Variants in RECQL observed in about 807,000 individuals in gnomAD.
The protein encoded by RECQL is ATP-dependent DNA helicase Q1.
RECQL carries 73 observed loss-of-function variants against 75.8 expected under a neutral mutation model. That is an observed-to-expected ratio of 0.96 (90% CI 0.80 to 1.17). The LOEUF (loss-of-function observed/expected upper bound fraction) is 1.17. Ranked by LOEUF, RECQL falls within the 50% of genes most tolerant of loss-of-function variation. The pLI is 0.00. For synonymous variants in RECQL, 248 were observed against 254.4 expected, an observed-to-expected ratio of 0.97 and a Z score of 0.24; for missense variants, 699 against 772.1, an observed-to-expected ratio of 0.91 and a Z score of 1.12.
chr12:21,481,210 A>T (rs191407279), intron 6 of RECQL, among the ~76,000 whole-genome samples: 2 of 152,218 alleles, frequency 1.3e-5, no homozygotes, highest in African/African-American at 2.4e-5. Context: ...AAGAAAACAA[A>T]AAGTTTTTGG....
chr12:21,473,184 A>G (rs1943015720), intron 12 of RECQL, among the ~76,000 whole-genome samples: 1 of 152,150 alleles, frequency 6.6e-6, no homozygotes, highest in Non-Finnish European at 1.5e-5. Context: ...GACCACGTAT[A>G]TGCCAGTGGT....
At chr12:21,475,132 TA>T (rs907718729) in intron 10 of RECQL, among the ~76,000 whole-genome samples, 153 bp from the exon 11 acceptor site, 2 of 151,594 alleles carry the variant, frequency 1.3e-5, no homozygotes. Context: ...ACCCTCAAAT[TA>T]AAAAAAACTC....
rs747067157 is a variant in RECQL, at chr12:21,486,588, A to G, written c.395-3T>C. The G allele has an allele frequency of 3.9e-6, 6 of 1,553,866 alleles. No individual in the cohort carries two copies. Among genetic ancestry groups the G allele is most frequent in the Non-Finnish European group, 2.6e-6 (3 of 1,154,770 alleles). On this transcript the variant is annotated splice_polypyrimidine_tract_variant and splice_region_variant and intron_variant, in intron 4 of 14. Transcript: ENST00000444129. ...TGGGCAAATGACGAGTGTAAAACCT[A>G]AAAGAGAAAAAAAAAAAAATCTACC... is the stretch of plus-strand genomic sequence containing the variant.
chr12:21,476,151 C>T lies in RECQL; in HGVS notation c.950-327G>A, dbSNP rs139808311. Among the ~76,000 whole-genome samples, 34 of 152,014 alleles carry T rather than the reference C, an allele frequency of 2.2e-4. No homozygotes were observed. The East Asian group carries it at 6.0e-3, about 27-fold the overall frequency. Reference sequence around the variant, plus strand: ...AAATGTGCTATGAATGCAGTGTTCTCCAGATTAATTTTGGGTTAATTTAGA... The same window carrying T: ...AAATGTGCTATGAATGCAGTGTTCTTCAGATTAATTTTGGGTTAATTTAGA... On this transcript the variant is annotated intron_variant, in intron 8 of 14. Coordinates refer to ENST00000444129, the MANE Select transcript of RECQL (RefSeq NM_002907.4).
intron 13 of RECQL, 45 bp downstream of exon 13, chr12:21,471,383 A>C: frequency 6.7e-7 from 1 of 1,492,492 alleles, no homozygotes. Context: ...TTAAAAAAAA[A>C]CCATAAAGAC....
chr12:21,480,328 G>C (rs935626911), intron 6 of RECQL, among the ~76,000 whole-genome samples: 2 of 152,164 alleles, frequency 1.3e-5, no homozygotes, highest in Non-Finnish European at 2.9e-5. Context: ...AACAAAAAGT[G>C]TAAGAACGGA....
chr12:21,491,737 AC>A, intron 2 of RECQL, 21 bp from the exon 3 acceptor site: 1 of 1,586,714 alleles, frequency 6.3e-7, no homozygotes, highest in Non-Finnish European at 8.6e-7. Context: ...CAGCGCGGAT[AC>A]AATGATTAGA....
intron 14 of RECQL, 167 bp from the exon 15 acceptor site, chr12:21,470,513 A>G: frequency 6.0e-6 from 6 of 1,006,652 alleles, no homozygotes; most frequent in Non-Finnish European, 6.8e-6. Context: ...TATGAGCTCT[A>G]TTTTGAATAA....
chr12:21,474,060 G>A (rs1170785982), intron 11 of RECQL, among the ~76,000 whole-genome samples: 1 of 151,998 alleles, frequency 6.6e-6, no homozygotes, highest in Non-Finnish European at 1.5e-5. Context: ...GATAAACACT[G>A]TTTAAAAAAT....
chr12:21,486,343 T>C, intron 5 of RECQL, 136 bp downstream of exon 5: 1 of 1,119,868 alleles, frequency 8.9e-7, no homozygotes, highest in Non-Finnish European at 1.2e-6. Context: ...GGGCCAGAAC[T>C]GGCCAAGAGC....
intron 6 of RECQL, among the ~76,000 whole-genome samples, chr12:21,479,519 ATTTTTATATTTTTAGTAGAGAC>A (rs1224273804): frequency 2.0e-5 from 3 of 151,856 alleles, no homozygotes; most frequent in Non-Finnish European, 4.4e-5. Flanking sequence ...CACCTGGCTA[ATTTTTATATTTTTAGTAGAGAC>A]GGGGTTTCAC....
intron 6 of RECQL, among the ~76,000 whole-genome samples, chr12:21,479,535 T>C (rs538720592): frequency 6.6e-6 from 1 of 152,134 alleles, no homozygotes; most frequent in Non-Finnish European, 1.5e-5. Context: ...ATATTTTTAG[T>C]AGAGACGGGG....
At position 21,470,540 on chromosome 12, in the gene RECQL, A is replaced by G. The variant is rs938195464; in HGVS notation, c.1798-194T>C. 32 of 921,002 alleles carry G rather than the reference A, an allele frequency of 3.5e-5. No homozygotes were observed. The African/African-American group carries it at 5.3e-4, about 15-fold the overall frequency. 57.1% of individuals were successfully genotyped at this position (921,002 alleles called of 1,614,324 possible). On this transcript the variant is annotated intron_variant, in intron 14 of 14. Transcript: ENST00000444129. ...TTTGAATAAAAGGGGCTACGTTGTG[A>G]GAGAAGTTCTAAAGACCTCAAATGT... is the stretch of plus-strand genomic sequence containing the variant.
intron 12 of RECQL, among the ~76,000 whole-genome samples, 186 bp downstream of exon 12, chr12:21,473,365 G>T (rs1163629322): frequency 6.6e-6 from 1 of 152,042 alleles, no homozygotes. Context: ...TGTACAGATT[G>T]GTAGCCTAGG....
Position 21,483,356 on chromosome 12 carries a change from T to C in RECQL, c.700+20A>G, listed in dbSNP as rs1436931495. ...CACGGTCTATGACATCAAAAAGTTT[T>C]CTAGATAAAACATACATACCAGGTC... On this transcript the variant is annotated intron_variant, in intron 6 of 14. Coordinates refer to ENST00000444129, the MANE Select transcript of RECQL (RefSeq NM_002907.4). 1 of 1,572,826 alleles carries C rather than the reference T, an allele frequency of 6.4e-7. No homozygotes were observed.
At chr12:21,477,348 A>G (rs981089836) in intron 7 of RECQL, among the ~76,000 whole-genome samples, 5 of 152,232 alleles carry the variant, frequency 3.3e-5, no homozygotes, top group Non-Finnish European at 7.3e-5. Flanking sequence ...AGGGTTTAGA[A>G]AGAAAGAAAA....
intron 1 of RECQL, among the ~76,000 whole-genome samples, chr12:21,500,313 C>T (rs1943585195): frequency 6.6e-6 from 1 of 152,120 alleles, no homozygotes; most frequent in Non-Finnish European, 1.5e-5. Flanking sequence ...AAAACCTAAG[C>T]ATGCATATGG....
chr12:21,483,420 T>C lies in RECQL; in HGVS notation c.656A>G (p.Asp219Gly), dbSNP rs1391037297. 1.2e-6 allele frequency: 2 copies of C among 1,605,958 alleles called. No individual in the cohort carries two copies. The highest frequency in any genetic ancestry group is 1.7e-6 in the Non-Finnish European group (2 of 1,177,842). ...EARRFTRIAV[D>G]EVHCCSQWGH... ...CCACTGACTACAGCAGTGAACTTCA[T>C]CCACAGCAATTCGAGTAAATCTCCT... is the stretch of plus-strand genomic sequence containing the variant. Residue 219 changes from aspartate to glycine, a missense_variant, in exon 6 of 15, where the codon GAT becomes GGT. By Grantham distance (94) the Asp-to-Gly change is moderately conservative. This residue lies in a region of RECQL where 669 missense variants were observed against 713.5 expected (regional missense o/e 0.94). Transcript: ENST00000444129.
At chr12:21,477,464 T>C (rs1943107822) in intron 7 of RECQL, among the ~76,000 whole-genome samples, 1 of 152,232 alleles carries the variant, frequency 6.6e-6, no homozygotes, top group African/African-American at 2.4e-5. Context: ...GTAATTAATT[T>C]GAACAGAGAT....
Sources: allele counts gnomAD v4.1 joint callset (sites outside exome capture counted in the v4.1 genomes callset), GRCh38; gene constraint gnomAD v4.1.1; regional missense constraint gnomAD v4.1.1; transcripts MANE v1.5; gene names NCBI Gene and HGNC (gene_info 2026-07-23, HGNC 2026-07-21).